CC2D2B: variants seen among roughly 807,000 people sequenced by gnomAD.
The protein encoded by CC2D2B is coiled-coil and C2 domain containing 2B, also known as protein CC2D2B.
A neutral mutation model predicts 161.2 loss-of-function variants in CC2D2B; 128 were observed. The observed-to-expected ratio is 0.79, with a 90% CI of 0.69 to 0.92. The LOEUF is 0.92. Ranked by LOEUF, CC2D2B falls within the 40% of genes least tolerant of loss-of-function variation. The pLI is 0.00. For synonymous variants in CC2D2B, 391 were observed against 449.8 expected (o/e 0.87, Z 1.65); for missense variants, 1,173 against 1,375.1 (o/e 0.85, Z 2.32).
chr10:96,009,845 T>C lies in CC2D2B; in HGVS notation c.2967T>C (p.Cys989=). ...EKHEDHCLKS[C]SGHSYIRKNW... is the part of the protein sequence containing the mutation. ...CATAGGATCACTGTCTCAAGAGCTG[T>C]AGTGGTCACTCATATATAAGAAAGA... Residue 989 remains cysteine, a synonymous_variant, in exon 26 of 35, where the codon TGT becomes TGC. Coordinates refer to ENST00000646931, the MANE Select transcript of CC2D2B (RefSeq NM_001349008.3). 2 of 1,593,200 alleles carry C rather than the reference T, an allele frequency of 1.3e-6. No homozygotes were observed. Among genetic ancestry groups the C allele is most frequent in the Non-Finnish European group, 1.7e-6 (2 of 1,164,540 alleles).
rs1590830853 is a variant in CC2D2B, at chr10:96,001,948, ATAT to A, written c.2850-2202_2850-2200del. On this transcript the variant is annotated intron_variant, in intron 24 of 34. Transcript: ENST00000646931. The stretch of plus-strand genomic sequence containing the variant: ...GACTTAAAGGGAAATCTGTTATATA[ATAT>A]TGTATAATATCAAGTTAAATAATTA... 4.6e-5 allele frequency among the ~76,000 whole-genome samples: 7 copies of A among 152,322 alleles called. No homozygotes were observed. In the East Asian group the frequency reaches 1.3e-3, roughly 29 times the overall value.
chr10:95,955,233 C>T (rs749669853), intron 10 of CC2D2B, among the ~76,000 whole-genome samples, 161 bp from the exon 11 acceptor site: 4 of 151,800 alleles, frequency 2.6e-5, no homozygotes, highest in Admixed American at 6.6e-5. Flanking sequence ...CAGTTCCTCC[C>T]CAAGGTGCTT....
At chr10:95,982,804 G>A (rs1024464841) in intron 18 of CC2D2B, among the ~76,000 whole-genome samples, 5 of 151,726 alleles carry the variant, frequency 3.3e-5, no homozygotes, top group African/African-American at 9.7e-5. Flanking sequence ...ATGGACTCTC[G>A]TTCTGTTGCC....
At chr10:95,924,461 C>A in intron 4 of CC2D2B, 71 bp downstream of exon 4, 1 of 870,608 alleles carries the variant, frequency 1.1e-6, no homozygotes, top group Non-Finnish European at 1.7e-6. Flanking sequence ...ATCAAGTTTT[C>A]TTTGTCAAAA....
chr10:95,994,764 A>G (rs557737763), intron 22 of CC2D2B, among the ~76,000 whole-genome samples: 1 of 152,358 alleles, frequency 6.6e-6, no homozygotes, highest in East Asian at 1.9e-4. Context: ...CCTTGGTTAT[A>G]TTAGTAATAC....
At chr10:95,950,239 G>T (rs2076353638) in intron 10 of CC2D2B, 134 bp downstream of exon 10, 4 of 395,152 alleles carry the variant, frequency 1.0e-5, no homozygotes, top group East Asian at 7.2e-5. Flanking sequence ...TCTCTGAAAA[G>T]AAACTGTAGG....
intron 2 of CC2D2B, among the ~76,000 whole-genome samples, chr10:95,915,209 T>G (rs1428048981): frequency 6.6e-6 from 1 of 152,238 alleles, no homozygotes. Flanking sequence ...CTTTTTCAGA[T>G]TGTTTGCTGT....
At chr10:96,028,038 G>C (rs2079858174) in intron 34 of CC2D2B, among the ~76,000 whole-genome samples, 1 of 152,148 alleles carries the variant, frequency 6.6e-6, no homozygotes, top group Non-Finnish European at 1.5e-5. Context: ...ATTGCTACAA[G>C]AAAACATTGG....
At chr10:96,015,726 T>A (rs773477244) in intron 29 of CC2D2B, among the ~76,000 whole-genome samples, 1 of 152,170 alleles carries the variant, frequency 6.6e-6, no homozygotes, top group Non-Finnish European at 1.5e-5. Context: ...TTTTCCTGAT[T>A]AACATCCAAC....
At chr10:96,005,623 T>C (rs2078713264) in intron 25 of CC2D2B, among the ~76,000 whole-genome samples, 2 of 152,234 alleles carry the variant, frequency 1.3e-5, no homozygotes, top group South Asian at 2.1e-4. Context: ...ATCAACTGTT[T>C]TCTTACTTCC....
At chr10:95,991,652 T>C (rs1370102570) in intron 21 of CC2D2B, among the ~76,000 whole-genome samples, 191 bp downstream of exon 21, 1 of 152,230 alleles carries the variant, frequency 6.6e-6, no homozygotes, top group African/African-American at 2.4e-5. Context: ...CTACATGATA[T>C]ATTTTCAATT....
chr10:95,966,878 G>A (rs1376624891), intron 14 of CC2D2B, among the ~76,000 whole-genome samples: 2 of 151,920 alleles, frequency 1.3e-5, no homozygotes, highest in African/African-American at 4.8e-5. Context: ...AGAACATTAT[G>A]CAAAAACAGA....
chr10:95,965,610 T>C (rs2076913485), intron 12 of CC2D2B, among the ~76,000 whole-genome samples: 1 of 152,102 alleles, frequency 6.6e-6, no homozygotes, highest in Non-Finnish European at 1.5e-5. Flanking sequence ...CTGTTACTTA[T>C]TCTCACCAGA....
chr10:95,922,299 A>C (rs930961642), intron 3 of CC2D2B, among the ~76,000 whole-genome samples: 5 of 152,210 alleles, frequency 3.3e-5, no homozygotes, highest in African/African-American at 1.2e-4. Context: ...CACTGCAAAC[A>C]TGGAGATTCC....
chr10:95,977,620 T>C (rs554740183), intron 17 of CC2D2B, among the ~76,000 whole-genome samples: 1 of 152,272 alleles, frequency 6.6e-6, no homozygotes, highest in East Asian at 1.9e-4. Context: ...ATTCTTTCAG[T>C]TAGTTTCTAT....
chr10:95,972,094 T>A lies in CC2D2B; in HGVS notation c.1673T>A (p.Leu558Ter), dbSNP rs1050157696. 2.1e-5 allele frequency: 26 copies of A among 1,230,026 alleles called. No homozygotes were observed. The highest frequency in any genetic ancestry group is 2.6e-5 in the Non-Finnish European group (26 of 986,156). 76.2% of individuals were successfully genotyped at this position (1,230,026 alleles called of 1,614,324 possible). A position where few individuals can be genotyped will look rare whatever the true frequency, so the allele number is the denominator to read the frequency against. ...TATGAAAAAAGTAAAAGGACAAGCTTACTGGCAAAACTATATATACCTTTA... is the reference window on the plus strand; with the variant it reads ...TATGAAAAAAGTAAAAGGACAAGCTAACTGGCAAAACTATATATACCTTTA... ...EVYEKSKRTS[L>*]LAKLYIPLPN... Residue 558 changes from leucine to a stop codon, truncating the protein, a stop_gained, in exon 16 of 35, where the codon TTA becomes TAA. Transcript: ENST00000646931. LOFTEE classifies it high-confidence loss of function.
Position 96,032,888 on chromosome 10 carries a change from G to A in CC2D2B, c.*880G>A, listed in dbSNP as rs1416772706. 2.4e-6 allele frequency: 1 copy of A among 421,476 alleles called. No homozygotes were observed. The highest frequency in any genetic ancestry group is 2.1e-5 in the African/African-American group (1 of 47,940). The allele number at this position is 421,476 out of a possible 1,614,324, so 26.1% of individuals were successfully genotyped here. On this transcript the variant is annotated 3_prime_UTR_variant, in exon 35 of 35. Transcript: ENST00000646931. ...AACTCTGCCTCTGGCACTTTTTGCT[G>A]CTTTTCTTTCTTAGTAGTGGCTTAT... is the stretch of plus-strand genomic sequence containing the variant.
intron 16 of CC2D2B, among the ~76,000 whole-genome samples, chr10:95,973,355 G>A (rs1323370148): frequency 1.3e-5 from 2 of 152,130 alleles, no homozygotes; most frequent in Admixed American, 1.3e-4. Flanking sequence ...TAAGGAAAGA[G>A]GAGAAAGAAC....
chr10:95,992,480 A>C, intron 21 of CC2D2B, 47 bp from the exon 22 acceptor site: 1 of 1,220,126 alleles, frequency 8.2e-7, no homozygotes, highest in Admixed American at 4.2e-5. Flanking sequence ...TATCTTTTAA[A>C]ACCAAGAAAA....
Sources: allele counts gnomAD v4.1 joint callset (sites outside exome capture counted in the v4.1 genomes callset), GRCh38; gene constraint gnomAD v4.1.1; transcripts MANE v1.5; gene names NCBI Gene and HGNC (gene_info 2026-07-23, HGNC 2026-07-21).